ABCA12: variants seen among roughly 807,000 people sequenced by gnomAD.
The protein encoded by ABCA12 is glucosylceramide transporter ABCA12.
Under a neutral mutation model 293.5 loss-of-function variants are expected in ABCA12, and 156 were observed. That is an observed-to-expected ratio of 0.53 (90% CI 0.47 to 0.61). The LOEUF (loss-of-function observed/expected upper bound fraction) is 0.61. Among genes scored for constraint, ABCA12 ranks in the 20% least tolerant of loss-of-function variants. The probability of loss-of-function intolerance (pLI) is 0.00; values close to 1 mark genes in which losing one functional copy is unlikely to be tolerated. For missense variants in ABCA12, 2,797 were observed against 3,090.2 expected (o/e 0.91, Z 2.25); for synonymous variants, 1,063 against 1,108.0 (o/e 0.96, Z 0.81).
chr2:214,979,135 G>T, intron 31 of ABCA12, 95 bp from the exon 32 acceptor site: 2 of 1,086,168 alleles, frequency 1.8e-6, no homozygotes, highest in South Asian at 2.5e-5. Flanking sequence ...GCTCTTTTAG[G>T]CCACTCCACA....
chr2:215,039,963 A>T (rs1236652138), intron 7 of ABCA12, among the ~76,000 whole-genome samples: 1 of 152,204 alleles, frequency 6.6e-6, no homozygotes, highest in African/African-American at 2.4e-5. Flanking sequence ...ATTTTAATTG[A>T]AAAGTCTTCA....
intron 2 of ABCA12, among the ~76,000 whole-genome samples, chr2:215,073,198 T>C (rs1428856447): frequency 6.6e-6 from 1 of 152,214 alleles, no homozygotes; most frequent in African/African-American, 2.4e-5. Flanking sequence ...TTACAGTAAC[T>C]GACATTTTGC....
chr2:215,026,169 T>C (rs543724406), intron 10 of ABCA12, among the ~76,000 whole-genome samples: 1 of 152,290 alleles, frequency 6.6e-6, no homozygotes, highest in African/African-American at 2.4e-5. Flanking sequence ...GTAAACAAAG[T>C]CTGGACTTAA....
At chr2:215,120,362 C>A (rs534646071) in intron 1 of ABCA12, among the ~76,000 whole-genome samples, 1 of 152,140 alleles carries the variant, frequency 6.6e-6, no homozygotes, top group South Asian at 2.1e-4. Flanking sequence ...ATCTAACAAT[C>A]CTGCACATAT....
chr2:215,018,170 G>A (rs1288793453), intron 13 of ABCA12, 38 bp from the exon 14 acceptor site: 1 of 1,596,172 alleles, frequency 6.3e-7, no homozygotes. Flanking sequence ...ACCCATGTTG[G>A]TTTGTCAGGT....
At chr2:215,111,359 G>C (rs1157161893) in intron 2 of ABCA12, among the ~76,000 whole-genome samples, 1 of 152,090 alleles carries the variant, frequency 6.6e-6, no homozygotes, top group Non-Finnish European at 1.5e-5. Context: ...TTTTATAAAG[G>C]CTAAAATATT....
chr2:214,997,670 T>C (rs888834589), intron 23 of ABCA12, 25 bp downstream of exon 23: 2 of 1,496,374 alleles, frequency 1.3e-6, no homozygotes, highest in African/African-American at 1.4e-5. Flanking sequence ...GACTTATTCA[T>C]AACAAGAAGT....
chr2:215,004,218 C>A lies in ABCA12; in HGVS notation c.2674G>T (p.Asp892Tyr). The A allele has an allele frequency of 1.2e-6, 2 of 1,613,734 alleles. No homozygotes were observed. Among genetic ancestry groups the A allele is most frequent in the Non-Finnish European group, 1.7e-6 (2 of 1,179,796 alleles). ...LDAVELLKQI[D>Y]ELDILRLKLE... ...GTGAATTTGGACTCACCGAGTTCATCTATCTGTTTCAATAGTTCAACAGCA... is the reference window on the plus strand; with the variant it reads ...GTGAATTTGGACTCACCGAGTTCATATATCTGTTTCAATAGTTCAACAGCA... The change falls in exon 20 of 53, where the codon GAT becomes TAT. Residue 892 changes from aspartate to tyrosine, a missense_variant. Asp to Tyr is a radical substitution (Grantham distance 160). This residue lies in a region of ABCA12 where 2,130 missense variants were observed against 2,427.0 expected (regional missense o/e 0.88). Transcript: ENST00000272895.
At chr2:214,981,414 CACTT>C (rs934735137) in intron 30 of ABCA12, among the ~76,000 whole-genome samples, 5 of 152,184 alleles carry the variant, frequency 3.3e-5, no homozygotes, top group South Asian at 2.1e-4. Flanking sequence ...ATCCTGTCAG[CACTT>C]ACTTAGTCTG....
chr2:214,948,885 T>C (rs1038492247), intron 46 of ABCA12, 148 bp from the exon 47 acceptor site: 2 of 1,159,602 alleles, frequency 1.7e-6, no homozygotes, highest in African/African-American at 3.1e-5. Context: ...CAAATTCACA[T>C]TTAAACATTT....
intron 1 of ABCA12, among the ~76,000 whole-genome samples, chr2:215,125,793 T>C (rs946206946): frequency 6.6e-6 from 1 of 152,192 alleles, no homozygotes; most frequent in Non-Finnish European, 1.5e-5. Context: ...TATTTATTTA[T>C]CTTGCCTGAT....
chr2:215,050,868 G>A, intron 5 of ABCA12: 1 of 965,404 alleles, frequency 1.0e-6, no homozygotes, highest in Non-Finnish European at 1.2e-6. Flanking sequence ...GAATCAGAGA[G>A]ATTGCTGACA....
At chr2:215,014,630 G>A (rs1221615499) in intron 15 of ABCA12, among the ~76,000 whole-genome samples, 1 of 152,090 alleles carries the variant, frequency 6.6e-6, no homozygotes, top group African/African-American at 2.4e-5. Flanking sequence ...TAGGGAGAGG[G>A]GTAGAGGGTA....
At chr2:215,001,856 G>A in intron 20 of ABCA12, 119 bp from the exon 21 acceptor site, 2 of 878,526 alleles carry the variant, frequency 2.3e-6, no homozygotes, top group Admixed American at 5.4e-5. Flanking sequence ...AAAGCCTGCA[G>A]AATTTACTCT....
intron 3 of ABCA12, among the ~76,000 whole-genome samples, chr2:215,063,201 A>G (rs1701571000): frequency 6.6e-6 from 1 of 152,016 alleles, no homozygotes; most frequent in Non-Finnish European, 1.5e-5. Context: ...CTCTTAAAGT[A>G]TCACCTAGAT....
At chr2:215,007,652 T>G in intron 19 of ABCA12, 75 bp downstream of exon 19, 1 of 1,580,250 alleles carries the variant, frequency 6.3e-7, no homozygotes, top group East Asian at 2.2e-5. Flanking sequence ...CCCCTTCCCG[T>G]TCACATATTG....
chr2:214,996,842 G>A (rs113264300), intron 23 of ABCA12, among the ~76,000 whole-genome samples: 22 of 152,224 alleles, frequency 1.4e-4, no homozygotes, highest in African/African-American at 4.3e-4. Flanking sequence ...GTGGATGGAC[G>A]GGTTCCTCTA....
chr2:215,128,756 C>T (rs983436725), intron 1 of ABCA12, among the ~76,000 whole-genome samples: 1 of 152,156 alleles, frequency 6.6e-6, no homozygotes, highest in Non-Finnish European at 1.5e-5. Context: ...TGGTCCCTCC[C>T]TGATTAGCTT....
intron 11 of ABCA12, chr2:215,020,829 G>C (rs184750762): frequency 7.2e-5 from 11 of 152,042 alleles, no homozygotes; most frequent in African/African-American, 2.4e-4. Context: ...TCTTGAGTAA[G>C]TAGCTAGGAC....
Sources: gnomAD v4.1 joint callset for allele counts (sites outside exome capture counted in the v4.1 genomes callset) on GRCh38, gnomAD v4.1.1 for gene constraint, gnomAD v4.1.1 regional missense constraint, MANE v1.5 for transcripts, NCBI Gene and HGNC (gene_info 2026-07-23, HGNC 2026-07-21) for gene names.